AFMID: variants seen among roughly 807,000 people sequenced by gnomAD.
AFMID encodes the protein kynurenine formamidase.
In AFMID, 39 loss-of-function variants were observed where a neutral mutation model predicts 47.5. The ratio of observed to expected loss-of-function variants is 0.82; its 90% confidence interval spans 0.64 to 1.07. The LOEUF (loss-of-function observed/expected upper bound fraction) is 1.07, where lower values mean the gene tolerates loss of function less well. Among genes scored for constraint, AFMID ranks in the 50% least tolerant of loss-of-function variants. The pLI is 0.00. For synonymous variants in AFMID, 130 were observed against 153.2 expected, an observed-to-expected ratio of 0.85 and a Z score of 1.12; for missense variants, 375 against 387.5, an observed-to-expected ratio of 0.97 and a Z score of 0.27.
chr17:78,200,744 T>C (rs8070790), intron 2 of AFMID, among the ~76,000 whole-genome samples: 5,280 of 152,288 alleles, frequency 0.035, 240 homozygotes, highest in East Asian at 0.23. Flanking sequence ...CTTCTGGCCT[T>C]TAGAACTGTG....
chr17:78,196,500 A>G (rs2076117898), intron 2 of AFMID, among the ~76,000 whole-genome samples: 2 of 152,078 alleles, frequency 1.3e-5, no homozygotes, highest in African/African-American at 2.4e-5. Flanking sequence ...CCAACACGAC[A>G]AAACACCTTC....
At chr17:78,198,446 A>C (rs2076164593) in intron 2 of AFMID, among the ~76,000 whole-genome samples, 1 of 147,192 alleles carries the variant, frequency 6.8e-6, no homozygotes, top group African/African-American at 2.5e-5. Flanking sequence ...TACAAATACA[A>C]AAAAAAAAAA....
chr17:78,206,817 C>G (rs1047961589), intron 10 of AFMID, 94 bp from the exon 11 acceptor site: 8 of 1,415,414 alleles, frequency 5.7e-6, no homozygotes, highest in Admixed American at 3.4e-5. Flanking sequence ...CAGACGTGAG[C>G]CACTGCATCC....
intron 2 of AFMID, among the ~76,000 whole-genome samples, chr17:78,194,021 G>T (rs963587423): frequency 4.6e-5 from 7 of 151,008 alleles, no homozygotes; most frequent in Non-Finnish European, 7.4e-5. Context: ...GCCGTAGTGT[G>T]CACCTGCAGT....
chr17:78,205,771 G>A (rs775028173), intron 9 of AFMID, 33 bp downstream of exon 9: 7 of 1,606,172 alleles, frequency 4.4e-6, no homozygotes, highest in South Asian at 3.3e-5. Context: ...GCCAGAGGTC[G>A]AGGGTCATGT....
chr17:78,195,035 T>G (rs541058404), intron 2 of AFMID, among the ~76,000 whole-genome samples: 2 of 152,218 alleles, frequency 1.3e-5, no homozygotes, highest in South Asian at 4.2e-4. Flanking sequence ...CTGTATATAT[T>G]TTTTATCCAG....
chr17:78,200,881 T>A (rs1033566283), intron 2 of AFMID, among the ~76,000 whole-genome samples: 1 of 152,166 alleles, frequency 6.6e-6, no homozygotes, highest in Admixed American at 6.5e-5. Flanking sequence ...CTAGACCAGG[T>A]TCCTTCTCCC....
At chr17:78,198,610 G>T (rs567360415) in intron 2 of AFMID, among the ~76,000 whole-genome samples, 38 of 148,362 alleles carry the variant, frequency 2.6e-4, no homozygotes, top group African/African-American at 9.3e-4. Flanking sequence ...TTGCACTCCA[G>T]CCTGGGTGAC....
intron 2 of AFMID, chr17:78,197,206 T>C: frequency 6.4e-7 from 1 of 1,550,814 alleles, no homozygotes; most frequent in Non-Finnish European, 8.7e-7. Flanking sequence ...CCGATGAGCC[T>C]GTGAGGCACA....
chr17:78,204,870 C>T lies in AFMID; in HGVS notation c.437C>T (p.Ala146Val), dbSNP rs200095741. Reference protein sequence around the residue: ...HMVDQVTRSVAFVQKRYPSNK... With the variant: ...HMVDQVTRSVVFVQKRYPSNK... ...GTAGACCAGGTGACCCGCAGCGTTG[C>T]GTTTGTCCAGAAGCGGTATCCAAGC... The change falls in exon 6 of 11, where the codon GCG becomes GTG. Residue 146 changes from alanine (A) to valine (V), a missense_variant. Physicochemically the swap from Ala to Val is moderately conservative, Grantham distance 64 (BLOSUM62 0). Coordinates refer to ENST00000409257, the MANE Select transcript of AFMID (RefSeq NM_001010982.5). 59 of 1,614,188 alleles carry T rather than the reference C, an allele frequency of 3.7e-5. 1 individual carries two copies. The highest frequency in any genetic ancestry group is 1.9e-4 in the African/African-American group (14 of 75,050).
chr17:78,205,762 C>G (rs1241947351), intron 9 of AFMID, 24 bp downstream of exon 9: 1 of 1,606,926 alleles, frequency 6.2e-7, no homozygotes, highest in African/African-American at 1.3e-5. Flanking sequence ...AGGTTTGTGG[C>G]CAGAGGTCGA....
At chr17:78,200,401 G>A (rs544978818) in intron 2 of AFMID, among the ~76,000 whole-genome samples, 10 of 152,262 alleles carry the variant, frequency 6.6e-5, no homozygotes, top group Admixed American at 3.9e-4. Flanking sequence ...TGATCTGCCC[G>A]CCTCAGCCTC....
Position 78,202,865 on chromosome 17 carries a change from G to A in AFMID, c.308+114G>A, listed in dbSNP as rs115200825. On this transcript the variant is annotated intron_variant, in intron 4 of 10. Transcript: ENST00000409257. ...CCACAAGCTGGGCACTCCTTGCAGG[G>A]CTGTGTCTCACAGCGCTGGAGAACG... The A allele has an allele frequency of 1.5e-3, 1,932 of 1,289,534 alleles. 26 individuals carry two copies. The African/African-American group carries it at 0.024, about 16-fold the overall frequency. 79.9% of individuals were successfully genotyped at this position (1,289,534 alleles called of 1,614,324 possible).
In AFMID at chr17:78,206,021, C is replaced by T. The variant is rs749393305; in HGVS notation, c.856C>T (p.Leu286=). 1.2e-6 allele frequency: 2 copies of T among 1,614,018 alleles called. No individual in the cohort carries two copies. Among genetic ancestry groups the T allele is most frequent in the African/African-American group, 2.7e-5 (2 of 74,916 alleles). ...DVDHFEIVEN[L]TQKDNVLTQI... ...GGACCACTTTGAAATTGTTGAGAAT[C>T]TGACCCAGAAGGACAACGTGCTCAC... The change falls in exon 10 of 11, where the codon CTG becomes TTG. Residue 286 remains leucine (L), a synonymous_variant. Coordinates refer to ENST00000409257, the MANE Select transcript of AFMID (RefSeq NM_001010982.5).
At chr17:78,193,975 C>CAAA (rs35735703) in intron 2 of AFMID, among the ~76,000 whole-genome samples, 4 of 128,316 alleles carry the variant, frequency 3.1e-5, no homozygotes, top group Non-Finnish European at 5.1e-5. Flanking sequence ...GACTCCATCT[C>CAAA]AAAAAAAAAA....
At chr17:78,204,946 G>T in intron 6 of AFMID, 46 bp downstream of exon 6, 2 of 1,610,702 alleles carry the variant, frequency 1.2e-6, no homozygotes, top group Non-Finnish European at 1.7e-6. Context: ...CTCAGTGGGT[G>T]GGAGGACAGT....
At chr17:78,189,528 T>G (rs538448191) in intron 1 of AFMID, among the ~76,000 whole-genome samples, 2 of 38,728 alleles carry the variant, frequency 5.2e-5, no homozygotes, top group East Asian at 2.2e-3. Flanking sequence ...CAGTGTTTTG[T>G]TTTTTTTTTT....
At chr17:78,200,703 A>G (rs926229023) in intron 2 of AFMID, among the ~76,000 whole-genome samples, 1 of 152,210 alleles carries the variant, frequency 6.6e-6, no homozygotes, top group Non-Finnish European at 1.5e-5. Flanking sequence ...GCATTGGCAG[A>G]GTGTGGCAGT....
At chr17:78,189,701 G>T (rs995013356) in intron 1 of AFMID, among the ~76,000 whole-genome samples, 3 of 145,456 alleles carry the variant, frequency 2.1e-5, no homozygotes, top group East Asian at 1.9e-4. Flanking sequence ...CATATTTTTC[G>T]TAGAGATAGT....
Sources: gnomAD v4.1 joint callset for allele counts (sites outside exome capture counted in the v4.1 genomes callset) on GRCh38, gnomAD v4.1.1 for gene constraint, MANE v1.5 for transcripts, NCBI Gene and HGNC (gene_info 2026-07-23, HGNC 2026-07-21) for gene names.